HDLBP: variants seen among roughly 807,000 people sequenced by gnomAD.
HDLBP encodes high density lipoprotein binding protein, also known as vigilin.
A neutral mutation model predicts 137.3 loss-of-function variants in HDLBP; 30 were observed. That is an observed-to-expected ratio of 0.22 (90% CI 0.16 to 0.30). HDLBP has a LOEUF of 0.30. Ranked by LOEUF, HDLBP falls within the 10% of genes least tolerant of loss-of-function variation. The pLI is 1.00. For missense variants in HDLBP, 1,119 were observed against 1,667.3 expected (o/e 0.67, Z 5.73); for synonymous variants, 606 against 596.0 (o/e 1.02, Z -0.24).
chr2:241,236,894 C>T (rs1413250788), intron 20 of HDLBP, 125 bp from the exon 21 acceptor site: 1 of 951,738 alleles, frequency 1.1e-6, no homozygotes, highest in African/African-American at 1.7e-5. Context: ...GAAAACCACT[C>T]CTGTCCTTCA....
In HDLBP at chr2:241,235,269, G is replaced by A; in HGVS notation, c.3010-14C>T. Reference sequence around the variant, plus strand: ...ATGTATGTTCACCTACGTGAAGAGGGGGCTGACTTGACGTTCAGGACCCCA... The same window carrying A: ...ATGTATGTTCACCTACGTGAAGAGGAGGCTGACTTGACGTTCAGGACCCCA... On this transcript the variant is annotated splice_polypyrimidine_tract_variant and intron_variant, in intron 22 of 27. Coordinates refer to ENST00000310931, the MANE Select transcript of HDLBP (RefSeq NM_005336.6). 6.2e-7 allele frequency: 1 copy of A among 1,614,122 alleles called. No homozygotes were observed. Among genetic ancestry groups the A allele is most frequent in the Non-Finnish European group, 8.5e-7 (1 of 1,180,034 alleles).
At chr2:241,268,605 T>C in intron 1 of HDLBP, 64 bp from the exon 2 acceptor site, 1 of 557,782 alleles carries the variant, frequency 1.8e-6, no homozygotes, top group South Asian at 7.9e-5. Context: ...CTTATCTACA[T>C]TTTACAACTC....
chr2:241,298,014 C>T (rs1047092418), intron 1 of HDLBP, among the ~76,000 whole-genome samples: 12 of 129,928 alleles, frequency 9.2e-5, no homozygotes, highest in African/African-American at 3.5e-4. Context: ...CGCTACTGCA[C>T]TCCAGGCCTG....
chr2:241,302,146 T>C (rs2075418331), intron 1 of HDLBP, among the ~76,000 whole-genome samples: 1 of 151,852 alleles, frequency 6.6e-6, no homozygotes, highest in African/African-American at 2.4e-5. Flanking sequence ...GCTTCCCAGC[T>C]ACTCAGGAGG....
intron 1 of HDLBP, among the ~76,000 whole-genome samples, chr2:241,293,017 A>AC (rs1439086226): frequency 1.3e-5 from 2 of 149,720 alleles, no homozygotes; most frequent in Non-Finnish European, 3.0e-5. Context: ...ACAAAGCGAG[A>AC]CCCCGTCTCA....
intron 1 of HDLBP, among the ~76,000 whole-genome samples, chr2:241,292,360 T>C (rs2075038244): frequency 6.6e-6 from 1 of 152,128 alleles, no homozygotes; most frequent in Non-Finnish European, 1.5e-5. Flanking sequence ...ATAAATGGCA[T>C]TAAAAACAAA....
chr2:241,277,423 G>A (rs1340307305), intron 1 of HDLBP, among the ~76,000 whole-genome samples: 1 of 152,094 alleles, frequency 6.6e-6, no homozygotes, highest in Non-Finnish European at 1.5e-5. Flanking sequence ...TTCAATCTCT[G>A]GCAAAAATGA....
chr2:241,280,528 CTT>C (rs2074555907), intron 1 of HDLBP, among the ~76,000 whole-genome samples: 1 of 152,170 alleles, frequency 6.6e-6, no homozygotes, highest in African/African-American at 2.4e-5. Context: ...GAAAAGGTAA[CTT>C]AGTATATTCT....
chr2:241,270,029 G>C (rs912440615), intron 1 of HDLBP, among the ~76,000 whole-genome samples: 1 of 152,194 alleles, frequency 6.6e-6, no homozygotes, highest in Non-Finnish European at 1.5e-5. Context: ...CCCAGTGACA[G>C]CCACACTAGA....
Position 241,272,385 on chromosome 2 carries a change from C to A in HDLBP, c.-102-3844G>T. On this transcript the variant is annotated intron_variant, in intron 1 of 27. Transcript: ENST00000310931. The surrounding 1 kb of genome is among the most constrained non-coding windows in gnomAD (Gnocchi z 5.6). The stretch of plus-strand genomic sequence containing the variant: ...CCTGGGCTCAGGTCGGCCGCCCCTC[C>A]GCGCCGTGCGGCCACGGCACCAGGG... 6.1e-6 allele frequency: 6 copies of A among 984,596 alleles called. No homozygotes were observed. The highest frequency in any genetic ancestry group is 7.2e-6 in the Non-Finnish European group (6 of 829,642). The allele number at this position is 984,596 out of a possible 1,614,324, so 61.0% of individuals were successfully genotyped here.
At chr2:241,276,974 C>A in intron 1 of HDLBP, among the ~76,000 whole-genome samples, 1 of 150,126 alleles carries the variant, frequency 6.7e-6, no homozygotes. Context: ...ACCATAAAAC[C>A]TGGCCAGGAG....
At chr2:241,311,323 C>T (rs1031107346) in intron 1 of HDLBP, among the ~76,000 whole-genome samples, 6 of 152,144 alleles carry the variant, frequency 3.9e-5, no homozygotes, top group Admixed American at 2.0e-4. Flanking sequence ...AAGAGCAGAA[C>T]GAGGCACTTT....
At chr2:241,283,173 C>T (rs2074672420) in intron 1 of HDLBP, among the ~76,000 whole-genome samples, 2 of 152,170 alleles carry the variant, frequency 1.3e-5, no homozygotes, top group South Asian at 4.1e-4. Flanking sequence ...TCCCTTAAAC[C>T]AAAGCCTAAT....
rs1184594428 is a variant in HDLBP at position 241,228,134 on chromosome 2, C to G, written c.*1467G>C. The G allele has an allele frequency of 6.6e-6, 1 of 152,318 alleles. No individual in the cohort carries two copies. Among genetic ancestry groups the G allele is most frequent in the Non-Finnish European group, 1.5e-5 (1 of 68,100 alleles). 9.4% of individuals were successfully genotyped at this position (152,318 alleles called of 1,614,324 possible). ...GAGTGAGGTGTCAAGGCGGAAGCGA[C>G]TGTCCCCAGGGAAGGGCTGTGAGAT... is the stretch of plus-strand genomic sequence containing the variant. On this transcript the variant is annotated 3_prime_UTR_variant, in exon 28 of 28. Transcript: ENST00000310931.
chr2:241,272,220 C>A lies in HDLBP; in HGVS notation c.-102-3679G>T, dbSNP rs1194104346. 8.2e-6 allele frequency: 8 copies of A among 979,994 alleles called. No homozygotes were observed. Among genetic ancestry groups the A allele is most frequent in the Non-Finnish European group, 9.7e-6 (8 of 825,128 alleles). The allele number at this position is 979,994 out of a possible 1,614,324, so 60.7% of individuals were successfully genotyped here. ...GGAGGTGCTGCGGGGGCCCCGCCGC[C>A]CGGTCTGCGCCCAGACCCCCGCCCC... is the stretch of plus-strand genomic sequence containing the variant. On this transcript the variant is annotated intron_variant, in intron 1 of 27. Coordinates refer to ENST00000310931, the MANE Select transcript of HDLBP (RefSeq NM_005336.6). The surrounding 1 kb of genome is among the most constrained non-coding windows in gnomAD (Gnocchi z 5.6).
chr2:241,282,900 A>C (rs1408188705), intron 1 of HDLBP, among the ~76,000 whole-genome samples: 2 of 152,222 alleles, frequency 1.3e-5, no homozygotes, highest in Non-Finnish European at 2.9e-5. Context: ...GTTCAAGTGA[A>C]AGGAAGAGCT....
At chr2:241,241,975 A>G (rs1437700901) in intron 17 of HDLBP, among the ~76,000 whole-genome samples, 2 of 152,098 alleles carry the variant, frequency 1.3e-5, no homozygotes, top group African/African-American at 4.8e-5. Flanking sequence ...GGTGTAGAAC[A>G]GCCAAAGTTA....
intron 1 of HDLBP, among the ~76,000 whole-genome samples, chr2:241,293,008 CA>C (rs2075057133): frequency 6.6e-6 from 1 of 151,296 alleles, no homozygotes; most frequent in Non-Finnish European, 1.5e-5. Context: ...GCCTGGGCAA[CA>C]AAGCGAGACC....
rs189669713 is a variant in HDLBP at position 241,250,104 on chromosome 2, G to A, written c.1373-124C>T. On this transcript the variant is annotated intron_variant, in intron 11 of 27. Coordinates refer to ENST00000310931, the MANE Select transcript of HDLBP (RefSeq NM_005336.6). ...ATCTGTGATTCCCATCACCAAAAAC[G>A]ATGCTTAGCTTCCCAAACAAAAATC... is the stretch of plus-strand genomic sequence containing the variant. The A allele has an allele frequency of 6.2e-5, 59 of 955,038 alleles. No homozygotes were observed. In the African/African-American group the frequency reaches 9.2e-4, roughly 15 times the overall value. The allele number at this position is 955,038 out of a possible 1,614,324, so 59.2% of individuals were successfully genotyped here.
Sources: allele counts gnomAD v4.1 joint callset (sites outside exome capture counted in the v4.1 genomes callset), GRCh38; gene constraint gnomAD v4.1.1; non-coding constraint Gnocchi (gnomAD v3.1); transcripts MANE v1.5; gene names NCBI Gene and HGNC (gene_info 2026-07-23, HGNC 2026-07-21).